MIXL1: variants seen among roughly 807,000 people sequenced by gnomAD.
The protein encoded by MIXL1 is homeobox protein MIXL1.
In MIXL1, 9 loss-of-function variants were observed where a neutral mutation model predicts 9.3. The ratio of observed to expected loss-of-function variants is 0.97; its 90% CI spans 0.58 to 1.69. The LOEUF is 1.69. Among genes scored for constraint, MIXL1 ranks in the 40% most tolerant of loss-of-function variants. MIXL1 has a pLI of 0.00. For synonymous variants in MIXL1, 164 were observed against 155.6 expected, an observed-to-expected ratio of 1.05 and a Z score of -0.40; for missense variants, 330 against 331.7, an observed-to-expected ratio of 0.99 and a Z score of 0.04.
intron 1 of MIXL1, 51 bp downstream of exon 1, chr1:226,224,125 A>G (rs999863780): frequency 8.0e-7 from 1 of 1,248,248 alleles, no homozygotes; most frequent in Non-Finnish European, 1.0e-6. Context: ...GGCGCTGCGG[A>G]CTCTAGGTCT....
rs2102811313 is a variant in MIXL1 at position 226,226,533 on chromosome 1, G to C, written c.*721G>C. On this transcript the variant is annotated 3_prime_UTR_variant, in exon 2 of 2. Coordinates refer to ENST00000366810, the MANE Select transcript of MIXL1 (RefSeq NM_031944.3). ...ATCTCTGCTAAAAATATAAAACTTA[G>C]CTGGGCACGGTGACGGGAGCCTGTA... The C allele has an allele frequency of 6.6e-6, 1 of 152,136 alleles. No homozygotes were observed. The highest frequency in any genetic ancestry group is 2.1e-4 in the South Asian group (1 of 4,812). The allele number at this position is 152,136 out of a possible 1,614,324, so 9.4% of individuals were successfully genotyped here.
rs1003391854 is a variant in MIXL1, at chr1:226,223,747, C to T, written c.66C>T (p.Ala22=). Reference sequence around the variant, plus strand: ...GCGCCGCGTTTCCAGCGTACCGGGCCCCCCACGCCGGCGGGGCGCTCCTGC... The same window carrying T: ...GCGCCGCGTTTCCAGCGTACCGGGCTCCCCACGCCGGCGGGGCGCTCCTGC... ...AEGAAFPAYR[A]PHAGGALLPP... The change falls in exon 1 of 2, where the codon GCC becomes GCT. Residue 22 remains alanine, a synonymous_variant. Transcript: ENST00000366810. 1 of 1,437,080 alleles carries T rather than the reference C, an allele frequency of 7.0e-7. No homozygotes were observed. Among genetic ancestry groups the T allele is most frequent in the Non-Finnish European group, 9.1e-7 (1 of 1,097,980 alleles). 89.0% of individuals were successfully genotyped at this position (1,437,080 alleles called of 1,614,324 possible). A position where few individuals can be genotyped will look rare whatever the true frequency, so the allele number is the denominator to read the frequency against.
In MIXL1 at chr1:226,223,807, G is replaced by A; in HGVS notation, c.126G>A (p.Ala42=). Residue 42 remains alanine, a synonymous_variant, in exon 1 of 2, where the codon GCG becomes GCA. Transcript: ENST00000366810. ...PPSPAAALLP[A]PPAGPGPATF... ...GCCCTGCGGCAGCCCTGCTCCCTGC[G>A]CCGCCCGCGGGCCCCGGCCCAGCGA... 1 of 1,233,534 alleles carries A rather than the reference G, an allele frequency of 8.1e-7. No homozygotes were observed. The allele number at this position is 1,233,534 out of a possible 1,614,324, so 76.4% of individuals were successfully genotyped here. A position where few individuals can be genotyped will look rare whatever the true frequency, so the allele number is the denominator to read the frequency against.
At position 226,224,059 on chromosome 1, in the gene MIXL1, C is replaced by G; in HGVS notation, c.378C>G (p.Pro126=). 7.4e-7 allele frequency: 1 copy of G among 1,355,860 alleles called. No individual in the cohort carries two copies. The allele number at this position is 1,355,860 out of a possible 1,614,324, so 84.0% of individuals were successfully genotyped here. The change falls in exon 1 of 2, where the codon CCC becomes CCG. Residue 126 remains proline, a synonymous_variant. Transcript: ENST00000366810. ...RERLAALTLL[P]ESRIQVWFQN... ...GCCTGGCCGCGCTCACCCTGCTCCC[C>G]GAGTCCAGGATCCAGGTGAGGGCCC...
In MIXL1 at chr1:226,226,385, A is replaced by AT. The variant is rs1657161617; in HGVS notation, c.*575dup. On this transcript the variant is annotated 3_prime_UTR_variant, in exon 2 of 2. Transcript: ENST00000366810. ...CTAGCTTCTCAACTACTTAAAAAAA[A>AT]TTACCCTCTGTGGGCCAGGTGCAGT... 1 of 152,260 alleles carries AT rather than the reference A, an allele frequency of 6.6e-6. No individual in the cohort carries two copies. Among genetic ancestry groups the AT allele is most frequent in the Non-Finnish European group, 1.5e-5 (1 of 68,164 alleles). The allele number at this position is 152,260 out of a possible 1,614,324, so 9.4% of individuals were successfully genotyped here. A position where few individuals can be genotyped will look rare whatever the true frequency, so the allele number is the denominator to read the frequency against.
chr1:226,224,042 G>T lies in MIXL1; in HGVS notation c.361G>T (p.Ala121Ser), dbSNP rs769184138. 195 of 1,393,370 alleles carry T rather than the reference G, an allele frequency of 1.4e-4. No individual in the cohort carries two copies. The Admixed American group carries it at 4.6e-3, about 33-fold the overall frequency. The allele number at this position is 1,393,370 out of a possible 1,614,324, so 86.3% of individuals were successfully genotyped here. A position where few individuals can be genotyped will look rare whatever the true frequency, so the allele number is the denominator to read the frequency against. Residue 121 changes from alanine to serine, a missense_variant, in exon 1 of 2, where the codon GCG (alanine) becomes TCG (serine). Transcript: ENST00000366810. ...CATCCACTTGCGCGAGCGCCTGGCCGCGCTCACCCTGCTCCCCGAGTCCAG... is the reference window on the plus strand; with the variant it reads ...CATCCACTTGCGCGAGCGCCTGGCCTCGCTCACCCTGCTCCCCGAGTCCAG... ...PDIHLRERLA[A>S]LTLLPESRIQ...
chr1:226,225,362 G>A (rs756510498), intron 1 of MIXL1, 145 bp from the exon 2 acceptor site: 6 of 837,532 alleles, frequency 7.2e-6, no homozygotes, highest in African/African-American at 1.7e-5. Context: ...ACTTCTAATC[G>A]TCAACCCAAG....
rs2102810761 is a variant in MIXL1, at chr1:226,225,643, T to C, written c.530T>C (p.Leu177Pro). ...AAATGTCTGAAGCCCCAGCTGCCTC[T>C]TGAGGTAGATGTGAACTGCCTGCCC... Reference protein sequence around the residue: ...ETKCLKPQLPLEVDVNCLPEP... With the variant: ...ETKCLKPQLPPEVDVNCLPEP... The change falls in exon 2 of 2, where the codon CTT becomes CCT. Residue 177 changes from leucine to proline, a missense_variant. Leu to Pro is a moderately conservative substitution (Grantham distance 98). Coordinates refer to ENST00000366810, the MANE Select transcript of MIXL1 (RefSeq NM_031944.3). 6.2e-7 allele frequency: 1 copy of C among 1,614,208 alleles called. No individual in the cohort carries two copies. Among genetic ancestry groups the C allele is most frequent in the South Asian group, 1.1e-5 (1 of 91,080 alleles).
At chr1:226,225,376 T>C (rs534587099) in intron 1 of MIXL1, 131 bp from the exon 2 acceptor site, 2 of 1,009,458 alleles carry the variant, frequency 2.0e-6, no homozygotes, top group Non-Finnish European at 2.9e-6. Context: ...ACCCAAGTGC[T>C]TTCTGAAGAC....
chr1:226,225,989 G>A lies in MIXL1; in HGVS notation c.*177G>A, dbSNP rs1279826107. The A allele has an allele frequency of 4.8e-6, 3 of 629,046 alleles. No individual in the cohort carries two copies. The highest frequency in any genetic ancestry group is 5.5e-6 in the Non-Finnish European group (2 of 361,254). The allele number at this position is 629,046 out of a possible 1,614,324, so 39.0% of individuals were successfully genotyped here. A position where few individuals can be genotyped will look rare whatever the true frequency, so the allele number is the denominator to read the frequency against. ...GGTACCCCGCCACTTTGTCAATGAC[G>A]TTTTAAGCCCACACTCCCACCCCAG... On this transcript the variant is annotated 3_prime_UTR_variant, in exon 2 of 2. Coordinates refer to ENST00000366810, the MANE Select transcript of MIXL1 (RefSeq NM_031944.3).
At chr1:226,224,209 C>G (rs760242000) in intron 1 of MIXL1, 135 bp downstream of exon 1, 3 of 814,930 alleles carry the variant, frequency 3.7e-6, no homozygotes, top group African/African-American at 1.8e-5. Flanking sequence ...GCGTACTAGA[C>G]TGAAATAGGG....
rs1335594233 is a variant in MIXL1, at chr1:226,226,620, A to T, written c.*808A>T. On this transcript the variant is annotated 3_prime_UTR_variant, in exon 2 of 2. Transcript: ENST00000366810. ...CTTGAGCCTGGGAGGTGGAGGTTGC[A>T]GTGATCTAAGATCGTGCCACTGCAC... 1 of 138,372 alleles carries T rather than the reference A, an allele frequency of 7.2e-6. No individual in the cohort carries two copies. Among genetic ancestry groups the T allele is most frequent in the Non-Finnish European group, 1.5e-5 (1 of 65,834 alleles). The allele number at this position is 138,372 out of a possible 1,614,324, so 8.6% of individuals were successfully genotyped here. A position where few individuals can be genotyped will look rare whatever the true frequency, so the allele number is the denominator to read the frequency against.
chr1:226,225,446 A>G (rs771674375), intron 1 of MIXL1, 61 bp from the exon 2 acceptor site: 64 of 1,567,094 alleles, frequency 4.1e-5, no homozygotes, highest in Non-Finnish European at 5.6e-5. Context: ...TGAACTGTGA[A>G]CATAATGTTA....
rs554749478 is a variant in MIXL1 at position 226,225,442 on chromosome 1, G to T, written c.394-65G>T. On this transcript the variant is annotated intron_variant, in intron 1 of 1. Coordinates refer to ENST00000366810, the MANE Select transcript of MIXL1 (RefSeq NM_031944.3). ...AAACTGGAACTTACCAGTATGAACT[G>T]TGAACATAATGTTAGCATAAAAAAC... 5.1e-4 allele frequency: 788 copies of T among 1,558,602 alleles called. 1 individual carries two copies. Among genetic ancestry groups the T allele is most frequent in the Non-Finnish European group, 6.5e-4 (750 of 1,146,696 alleles).
Position 226,223,728 on chromosome 1 carries a change from C to T in MIXL1, c.47C>T (p.Ala16Val). The change falls in exon 1 of 2, where the codon GCG becomes GTG. Residue 16 changes from alanine to valine, a missense_variant. Coordinates refer to ENST00000366810, the MANE Select transcript of MIXL1 (RefSeq NM_031944.3). ...SRALQFAEGA[A>V]FPAYRAPHAG... ...GCGCTCCAGTTTGCCGAGGGCGCCG[C>T]GTTTCCAGCGTACCGGGCCCCCCAC... 1.4e-6 allele frequency: 2 copies of T among 1,458,066 alleles called. No individual in the cohort carries two copies. The highest frequency in any genetic ancestry group is 9.0e-7 in the Non-Finnish European group (1 of 1,110,562). 90.3% of individuals were successfully genotyped at this position (1,458,066 alleles called of 1,614,324 possible).
At chr1:226,224,284 C>T (rs1418297470) in intron 1 of MIXL1, among the ~76,000 whole-genome samples, 3 of 152,214 alleles carry the variant, frequency 2.0e-5, no homozygotes, top group Admixed American at 1.3e-4. Flanking sequence ...TAGGCCTGCA[C>T]TGAACGATTT....
In MIXL1 at chr1:226,225,624, C is replaced by G. The variant is rs982103775; in HGVS notation, c.511C>G (p.Leu171Val). 5 of 1,614,076 alleles carry G rather than the reference C, an allele frequency of 3.1e-6. No individual in the cohort carries two copies. In the African/African-American group the frequency reaches 6.7e-5, roughly 22 times the overall value. Residue 171 changes from leucine to valine, a missense_variant, in exon 2 of 2, where the codon CTG (leucine) becomes GTG (valine). Coordinates refer to ENST00000366810, the MANE Select transcript of MIXL1 (RefSeq NM_031944.3). ...TGCTCCTGGAACTGAAACGAAATGT[C>G]TGAAGCCCCAGCTGCCTCTTGAGGT... ...HCAPGTETKC[L>V]KPQLPLEVDV...
chr1:226,223,786 TG>T lies in MIXL1; in HGVS notation c.106del (p.Ala36ArgfsTer136). On this transcript the variant is annotated frameshift_variant, in exon 1 of 2. Transcript: ENST00000366810. LOFTEE classifies it high-confidence loss of function. ...GGALLPPPSP[A>X]AALLPAPPAG... The stretch of plus-strand genomic sequence containing the variant: ...GGGCGCTCCTGCCGCCCCCGAGCCC[TG>T]CGGCAGCCCTGCTCCCTGCGCCGCC... 1 of 1,384,442 alleles carries T rather than the reference TG, an allele frequency of 7.2e-7. No homozygotes were observed. The highest frequency in any genetic ancestry group is 1.5e-5 in the South Asian group (1 of 64,986). 85.8% of individuals were successfully genotyped at this position (1,384,442 alleles called of 1,614,324 possible).
Position 226,225,842 on chromosome 1 carries a change from G to T in MIXL1, c.*30G>T. The stretch of plus-strand genomic sequence containing the variant: ...TCTGGGAGAATTCGGGATAAGCTCT[G>T]AGGAGCCATGACTGACAGCCTGGGA... On this transcript the variant is annotated 3_prime_UTR_variant, in exon 2 of 2. Coordinates refer to ENST00000366810, the MANE Select transcript of MIXL1 (RefSeq NM_031944.3). 1 of 1,559,952 alleles carries T rather than the reference G, an allele frequency of 6.4e-7. No homozygotes were observed. Among genetic ancestry groups the T allele is most frequent in the South Asian group, 1.2e-5 (1 of 83,844 alleles).
Sources: allele counts gnomAD v4.1 joint callset (sites outside exome capture counted in the v4.1 genomes callset), GRCh38; gene constraint gnomAD v4.1.1; transcripts MANE v1.5; gene names NCBI Gene and HGNC (gene_info 2026-07-23, HGNC 2026-07-21).